Variants in CEP164 observed in about 807,000 individuals in gnomAD.
CEP164 encodes the protein centrosomal protein of 164 kDa.
Under a neutral mutation model 182.7 loss-of-function variants are expected in CEP164, and 162 were observed. That is an observed-to-expected ratio of 0.89 (90% CI 0.78 to 1.01). The LOEUF (loss-of-function observed/expected upper bound fraction) is 1.01. CEP164 is among the 50% of genes least tolerant of loss of function. CEP164 has a pLI of 0.00. For missense variants in CEP164, 1,735 were observed against 1,790.4 expected (o/e 0.97, Z 0.56); for synonymous variants, 661 against 690.0 (o/e 0.96, Z 0.66).
At chr11:117,357,423 C>CTTTT (rs4018866) in intron 5 of CEP164, among the ~76,000 whole-genome samples, 2 of 121,558 alleles carry the variant, frequency 1.6e-5, no homozygotes, top group African/African-American at 3.0e-5. Flanking sequence ...AGTTAATATT[C>CTTTT]TTTTTTTTTT....
In CEP164 at chr11:117,356,643, A is replaced by G; in HGVS notation, c.393+4655A>G. ...GTAGGCTTCTTAGTGAGCATGGCCT[A>G]AAGGCCTAAACTTGGCAGGGAGGGA... On this transcript the variant is annotated intron_variant, in intron 5 of 32. Coordinates refer to ENST00000278935, the MANE Select transcript of CEP164 (RefSeq NM_014956.5). The G allele has an allele frequency of 1.6e-6, 2 of 1,264,958 alleles. 1 individual carries two copies. The highest frequency in any genetic ancestry group is 2.6e-5 in the South Asian group (2 of 77,662). The allele number at this position is 1,264,958 out of a possible 1,614,324, so 78.4% of individuals were successfully genotyped here. A position where few individuals can be genotyped will look rare whatever the true frequency, so the allele number is the denominator to read the frequency against.
intron 11 of CEP164, among the ~76,000 whole-genome samples, chr11:117,377,050 A>G (rs1178430975): frequency 6.6e-6 from 1 of 152,120 alleles, no homozygotes; most frequent in Non-Finnish European, 1.5e-5. Flanking sequence ...GCTGTAACGC[A>G]GTAGCAGGAC....
intron 8 of CEP164, among the ~76,000 whole-genome samples, chr11:117,368,407 G>T (rs2041872733): frequency 6.6e-6 from 1 of 152,196 alleles, no homozygotes; most frequent in African/African-American, 2.4e-5. Flanking sequence ...GCAGGAGCTG[G>T]GCCTTAAGGG....
rs1263630241 is a variant in CEP164 at position 117,410,178 on chromosome 11, G to A, written c.4096+213G>A. On this transcript the variant is annotated intron_variant, in intron 30 of 32. Transcript: ENST00000278935. ...AGGAGACATTGCAGGTGGCCCTGCAGCCAGGAGTTCTATGGGTTGGGACGG... is the reference window on the plus strand; with the variant it reads ...AGGAGACATTGCAGGTGGCCCTGCAACCAGGAGTTCTATGGGTTGGGACGG... The A allele has an allele frequency of 5.9e-6, 4 of 673,768 alleles. No individual in the cohort carries two copies. In the South Asian group the frequency reaches 6.6e-5, roughly 11 times the overall value. The allele number at this position is 673,768 out of a possible 1,614,324, so 41.7% of individuals were successfully genotyped here.
At chr11:117,401,257 G>C (rs1406887196) in intron 27 of CEP164, among the ~76,000 whole-genome samples, 3 of 152,132 alleles carry the variant, frequency 2.0e-5, no homozygotes, top group African/African-American at 7.2e-5. Context: ...TGTGATTTTT[G>C]TCATTAGTTC....
intron 1 of CEP164, among the ~76,000 whole-genome samples, chr11:117,335,308 G>A (rs975637231): frequency 3.9e-5 from 6 of 152,108 alleles, no homozygotes; most frequent in African/African-American, 1.4e-4. Flanking sequence ...TTTTCCTTTG[G>A]TGTTTTCTTC....
At chr11:117,361,721 G>A (rs1181682376) in intron 5 of CEP164, 114 bp from the exon 6 acceptor site, 2 of 1,021,602 alleles carry the variant, frequency 2.0e-6, no homozygotes, top group Non-Finnish European at 3.0e-6. Context: ...TCTGAGCGGA[G>A]GTGGTTTAAA....
intron 10 of CEP164, among the ~76,000 whole-genome samples, chr11:117,375,135 A>T (rs569639766): frequency 2.9e-4 from 44 of 152,224 alleles, no homozygotes; most frequent in Non-Finnish European, 6.0e-4. Context: ...CTCATTTCCA[A>T]ACTGCCCACA....
intron 1 of CEP164, among the ~76,000 whole-genome samples, chr11:117,322,140 G>A (rs962386421): frequency 1.3e-5 from 2 of 151,998 alleles, no homozygotes; most frequent in Admixed American, 1.3e-4. Context: ...TTTTGAGGTG[G>A]AGTCTCGCTC....
intron 10 of CEP164, among the ~76,000 whole-genome samples, chr11:117,375,135 A>G (rs569639766): frequency 6.6e-6 from 1 of 152,224 alleles, no homozygotes; most frequent in African/African-American, 2.4e-5. Flanking sequence ...CTCATTTCCA[A>G]ACTGCCCACA....
rs377492726 is a variant in CEP164 at position 117,391,251 on chromosome 11, T to C, written c.2283+36T>C. ...CAAGTGGGGACCTCACCCTCTGACC[T>C]GTGTCTGGGCTGCCTGGGGAGGGAC... On this transcript the variant is annotated intron_variant, in intron 17 of 32. Coordinates refer to ENST00000278935, the MANE Select transcript of CEP164 (RefSeq NM_014956.5). The C allele has an allele frequency of 3.5e-5, 55 of 1,566,018 alleles. No homozygotes were observed. In the African/African-American group the frequency reaches 6.8e-4, roughly 19 times the overall value.
At chr11:117,322,721 T>C (rs1017796968) in intron 1 of CEP164, among the ~76,000 whole-genome samples, 1 of 148,786 alleles carries the variant, frequency 6.7e-6, no homozygotes, top group Admixed American at 6.8e-5. Context: ...ACGCCTGGCA[T>C]ATTTTGTGTT....
Position 117,394,489 on chromosome 11 carries a change from A to T in CEP164, c.2756A>T (p.Glu919Val). The part of the protein sequence containing the change: ...RLEDLRRRHR[E>V]QERKLQDLEL... ...GAGGACTTGCGGCGCCGGCACAGGG[A>T]GCAGGTGAGGGGCCTGGGGCAGGGT... The change falls in exon 21 of 33, where the codon GAG becomes GTG. Residue 919 changes from glutamate (E) to valine (V), a missense_variant. Transcript: ENST00000278935. This position sits in a 1 kb window ranked among gnomAD's most constrained non-coding sequence, Gnocchi z 4.0. The T allele has an allele frequency of 6.2e-7, 1 of 1,613,732 alleles. No individual in the cohort carries two copies. The highest frequency in any genetic ancestry group is 8.5e-7 in the Non-Finnish European group (1 of 1,179,990).
At chr11:117,395,748 C>A in intron 24 of CEP164, 26 bp downstream of exon 24, 1 of 1,586,856 alleles carries the variant, frequency 6.3e-7, no homozygotes, top group South Asian at 1.2e-5. Context: ...TGCACTTAGC[C>A]CTGCTGGCTG....
At chr11:117,356,376 G>T in intron 5 of CEP164, 2 of 1,180,794 alleles carry the variant, frequency 1.7e-6, no homozygotes, top group Non-Finnish European at 2.1e-6. Context: ...GAGTCTTCTA[G>T]GATGTCTAGT....
intron 8 of CEP164, among the ~76,000 whole-genome samples, chr11:117,370,536 G>C (rs1787805645): frequency 6.6e-6 from 1 of 152,172 alleles, no homozygotes; most frequent in Admixed American, 6.5e-5. Context: ...CCAGTGGATG[G>C]GGATCAGCTT....
intron 5 of CEP164, 86 bp downstream of exon 5, chr11:117,352,074 G>C: frequency 8.8e-7 from 1 of 1,134,996 alleles, no homozygotes; most frequent in Non-Finnish European, 1.3e-6. Flanking sequence ...GCAGCTGGGA[G>C]GTTGAAGACA....
Position 117,395,104 on chromosome 11 carries a change from C to G in CEP164, c.2845-19C>G. 6.2e-7 allele frequency: 1 copy of G among 1,614,134 alleles called. No individual in the cohort carries two copies. Among genetic ancestry groups the G allele is most frequent in the African/African-American group, 1.3e-5 (1 of 75,042 alleles). The stretch of plus-strand genomic sequence containing the variant: ...TGGGGTCTGCAGTCAGCCAGAAAAT[C>G]CTGTCTCTTCCCTGCAAGGAGGAGA... On this transcript the variant is annotated intron_variant, in intron 22 of 32. Transcript: ENST00000278935.
In CEP164 at chr11:117,392,503, C is replaced by T. The variant is rs1027125163; in HGVS notation, c.2369C>T (p.Ser790Phe). ...SLEAKHREVV[S>F]SLQKKIQEAQ... ...GTGCGGGGGCCTCCTCAGGTGGTCT[C>T]CAGCCTCCAGAAGAAGATACAGGAA... Residue 790 changes from serine (S) to phenylalanine (F), a missense_variant, in exon 19 of 33, where the codon TCC becomes TTC. By Grantham distance (155) the Ser-to-Phe change is radical (BLOSUM62 -2). Transcript: ENST00000278935. The T allele has an allele frequency of 2.5e-6, 4 of 1,613,684 alleles. No homozygotes were observed. The highest frequency in any genetic ancestry group is 1.3e-5 in the African/African-American group (1 of 74,920).
Sources: gnomAD v4.1 joint callset for allele counts (sites outside exome capture counted in the v4.1 genomes callset) on GRCh38, gnomAD v4.1.1 for gene constraint, Gnocchi (gnomAD v3.1) non-coding constraint, MANE v1.5 for transcripts, NCBI Gene and HGNC (gene_info 2026-07-23, HGNC 2026-07-21) for gene names.